EYS: variants seen among roughly 807,000 people sequenced by gnomAD.
EYS encodes protein eyes shut homolog.
In EYS, 250 loss-of-function variants were observed where a neutral mutation model predicts 282.1. That is an observed-to-expected ratio of 0.89 (90% CI 0.80 to 0.98). The LOEUF is 0.98. Among genes scored for constraint, EYS ranks in the 50% least tolerant of loss-of-function variants. The pLI is 0.00. For synonymous variants in EYS, 1,355 were observed against 1,282.9 expected, an observed-to-expected ratio of 1.06 and a Z score of -1.20; for missense variants, 4,016 against 3,709.0, an observed-to-expected ratio of 1.08 and a Z score of -2.15.
At chr6:64,851,848 C>G (rs192381262) in intron 19 of EYS, among the ~76,000 whole-genome samples, 4 of 151,944 alleles carry the variant, frequency 2.6e-5, no homozygotes, top group Non-Finnish European at 5.9e-5. Flanking sequence ...CTAATGACTA[C>G]TAGGCTTAAT....
At chr6:65,102,741 T>G (rs1774930113) in intron 12 of EYS, among the ~76,000 whole-genome samples, 1 of 151,250 alleles carries the variant, frequency 6.6e-6, no homozygotes, top group Non-Finnish European at 1.5e-5. Flanking sequence ...CATGACAGCT[T>G]TTCAGGGAAA....
chr6:65,017,689 C>T (rs116645153), intron 13 of EYS, among the ~76,000 whole-genome samples: 1,802 of 152,250 alleles, frequency 0.012, 38 homozygotes, highest in African/African-American at 0.041. Context: ...TAATATCACT[C>T]CACACTCATA....
intron 2 of EYS, among the ~76,000 whole-genome samples, chr6:65,630,188 G>A (rs920153821): frequency 2.0e-5 from 3 of 152,196 alleles, no homozygotes; most frequent in African/African-American, 7.2e-5. Context: ...AATGGTCACT[G>A]TGGTTGTCTT....
At chr6:65,247,404 T>C (rs903754103) in intron 12 of EYS, among the ~76,000 whole-genome samples, 2 of 152,098 alleles carry the variant, frequency 1.3e-5, no homozygotes, top group Non-Finnish European at 2.9e-5. Flanking sequence ...CCTAATCTTT[T>C]ACCCTGCTGT....
intron 12 of EYS, among the ~76,000 whole-genome samples, chr6:65,167,635 C>T (rs907257728): frequency 3.3e-5 from 5 of 151,114 alleles, no homozygotes; most frequent in African/African-American, 1.2e-4. Context: ...TTCAATCTTG[C>T]TCCTGCCTTA....
At chr6:65,015,560 G>A (rs900676187) in intron 13 of EYS, among the ~76,000 whole-genome samples, 1 of 152,014 alleles carries the variant, frequency 6.6e-6, no homozygotes, top group African/African-American at 2.4e-5. Context: ...TATATATAAT[G>A]CTGCTTTATT....
chr6:64,221,294 G>A (rs973017098), intron 31 of EYS, among the ~76,000 whole-genome samples: 10 of 152,126 alleles, frequency 6.6e-5, no homozygotes, highest in African/African-American at 2.2e-4. Flanking sequence ...GAGGTGATTA[G>A]GTCACGAGGA....
intron 9 of EYS, among the ~76,000 whole-genome samples, chr6:65,351,583 G>A (rs567031117): frequency 6.6e-6 from 1 of 151,652 alleles, no homozygotes; most frequent in East Asian, 1.9e-4. Flanking sequence ...TTGTGAATAT[G>A]TTCCCTGTAG....
Position 63,721,304 on chromosome 6 carries a change from TG to T in EYS, c.8726del (p.Thr2909AsnfsTer9), listed in dbSNP as rs1768377655. On this transcript the variant is annotated frameshift_variant, in exon 43 of 43. Coordinates refer to ENST00000503581, the MANE Select transcript of EYS (RefSeq NM_001142800.2). LOFTEE classifies it low-confidence loss of function (END_TRUNC). ...TCAAACAGGACACAGACTGGTTACATGTATTTCCAGCCCAATCTGGCAAACA... is the reference window on the plus strand; with the variant it reads ...TCAAACAGGACACAGACTGGTTACATTATTTCCAGCCCAATCTGGCAAACA... ...CRCLPDWAGN[T>X]CNQSVSCLNN... The T allele has an allele frequency of 1.3e-6, 2 of 1,551,874 alleles. No homozygotes were observed. The highest frequency in any genetic ancestry group is 1.7e-6 in the Non-Finnish European group (2 of 1,147,016).
chr6:64,361,212 T>G (rs1422588586), intron 29 of EYS, among the ~76,000 whole-genome samples: 9 of 11,968 alleles, frequency 7.5e-4, no homozygotes, highest in African/African-American at 2.6e-3. Context: ...GAAAATATGG[T>G]TTTTTTTTGT....
At chr6:65,481,201 A>G (rs1275938138) in intron 5 of EYS, among the ~76,000 whole-genome samples, 2 of 152,196 alleles carry the variant, frequency 1.3e-5, no homozygotes, top group African/African-American at 2.4e-5. Flanking sequence ...TTGTACAGAT[A>G]TATCAAAATA....
At chr6:65,600,125 G>T (rs902704895) in intron 2 of EYS, among the ~76,000 whole-genome samples, 1 of 151,920 alleles carries the variant, frequency 6.6e-6, no homozygotes, top group Non-Finnish European at 1.5e-5. Context: ...CTTCATCTGG[G>T]GATAGCAGGT....
At chr6:64,794,057 C>A (rs1774272832) in intron 22 of EYS, among the ~76,000 whole-genome samples, 1 of 152,120 alleles carries the variant, frequency 6.6e-6, no homozygotes, top group Non-Finnish European at 1.5e-5. Context: ...ACAAGTTTGA[C>A]TGTTTTGGAT....
Position 64,081,843 on chromosome 6 carries a change from A to G in EYS, c.6571+13T>C. 1 of 1,488,322 alleles carries G rather than the reference A, an allele frequency of 6.7e-7. No homozygotes were observed. Among genetic ancestry groups the G allele is most frequent in the Middle Eastern group, 1.8e-4 (1 of 5,662 alleles). 92.2% of individuals were successfully genotyped at this position (1,488,322 alleles called of 1,614,324 possible). A position where few individuals can be genotyped will look rare whatever the true frequency, so the allele number is the denominator to read the frequency against. Reference sequence around the variant, plus strand: ...AAACATGACATACAAGAAGTCAAACATTTAATACTCACTGTAAAGAATAGT... The same window carrying G: ...AAACATGACATACAAGAAGTCAAACGTTTAATACTCACTGTAAAGAATAGT... On this transcript the variant is annotated intron_variant, in intron 32 of 42. Coordinates refer to ENST00000503581, the MANE Select transcript of EYS (RefSeq NM_001142800.2).
At chr6:64,990,655 G>A (rs554235418) in intron 14 of EYS, among the ~76,000 whole-genome samples, 28 of 151,574 alleles carry the variant, frequency 1.8e-4, no homozygotes, top group Non-Finnish European at 4.1e-4. Context: ...ATTCCTCTCA[G>A]TGATCTGCTA....
At chr6:65,565,672 A>C (rs1005360411) in intron 2 of EYS, among the ~76,000 whole-genome samples, 1 of 152,132 alleles carries the variant, frequency 6.6e-6, no homozygotes, top group African/African-American at 2.4e-5. Context: ...GGCACTGTTC[A>C]CAATAGCAAA....
chr6:65,151,713 T>C (rs1438994607), intron 12 of EYS, among the ~76,000 whole-genome samples: 1 of 152,014 alleles, frequency 6.6e-6, no homozygotes, highest in Non-Finnish European at 1.5e-5. Flanking sequence ...TTAATTGTAC[T>C]TTGTTTACAT....
chr6:64,445,150 G>T (rs527914133), intron 26 of EYS, among the ~76,000 whole-genome samples: 1 of 152,140 alleles, frequency 6.6e-6, no homozygotes, highest in Non-Finnish European at 1.5e-5. Flanking sequence ...AAGTCAGGAC[G>T]ATATTTTGCA....
At chr6:64,417,599 C>T (rs1288828307) in intron 28 of EYS, among the ~76,000 whole-genome samples, 1 of 150,492 alleles carries the variant, frequency 6.6e-6, no homozygotes, top group African/African-American at 2.4e-5. Context: ...GTTATTATTT[C>T]AGGAATAATA....
Sources: allele counts gnomAD v4.1 joint callset (sites outside exome capture counted in the v4.1 genomes callset), GRCh38; gene constraint gnomAD v4.1.1; transcripts MANE v1.5; gene names NCBI Gene and HGNC (gene_info 2026-07-23, HGNC 2026-07-21).